MTMR12: variants seen among roughly 807,000 people sequenced by gnomAD.
The protein encoded by MTMR12 is myotubularin-related protein 12.
A neutral mutation model predicts 96.7 loss-of-function variants in MTMR12; 33 were observed. The ratio of observed to expected loss-of-function variants is 0.34; its 90% CI spans 0.26 to 0.46. MTMR12 has a LOEUF of 0.46. MTMR12 is among the 20% of genes least tolerant of loss of function. The pLI, the probability that MTMR12 is intolerant of heterozygous loss-of-function variation, is 1.00. For missense variants in MTMR12, 721 were observed against 896.1 expected (o/e 0.80, Z 2.49); for synonymous variants, 298 against 327.2 (o/e 0.91, Z 0.96).
At chr5:32,305,758 C>T (rs1239744560) in intron 1 of MTMR12, among the ~76,000 whole-genome samples, 3 of 152,092 alleles carry the variant, frequency 2.0e-5, no homozygotes, top group Non-Finnish European at 4.4e-5. Context: ...ACAAAATTAG[C>T]AGAGTGTAGT....
intron 10 of MTMR12, among the ~76,000 whole-genome samples, chr5:32,246,463 T>C (rs1390240622): frequency 6.6e-6 from 1 of 152,204 alleles, no homozygotes; most frequent in African/African-American, 2.4e-5. Flanking sequence ...GCCCAGCAAG[T>C]AGGTTTGCTC....
chr5:32,249,533 C>G (rs1748831212), intron 8 of MTMR12, among the ~76,000 whole-genome samples: 1 of 152,164 alleles, frequency 6.6e-6, no homozygotes. Flanking sequence ...ACTGTGTCTA[C>G]CTTCAGAGCT....
In MTMR12 at chr5:32,298,330, A is replaced by AT. The variant is rs546672964; in HGVS notation, c.81+14427dup. Among the ~76,000 whole-genome samples the AT allele has an allele frequency of 1.5e-4, 23 of 152,320 alleles. 1 individual carries two copies. Among genetic ancestry groups the AT allele is most frequent in the Middle Eastern group, 3.4e-3 (1 of 294 alleles). On this transcript the variant is annotated intron_variant, in intron 1 of 15. Coordinates refer to ENST00000382142, the MANE Select transcript of MTMR12 (RefSeq NM_001040446.3). Reference sequence around the variant, plus strand: ...GTGGGGGCTGTGATTGGTTGGGCATATGAGTGATTAGGGAAAGAAGGGTGC... The same window carrying AT: ...GTGGGGGCTGTGATTGGTTGGGCATATTGAGTGATTAGGGAAAGAAGGGTGC...
intron 1 of MTMR12, among the ~76,000 whole-genome samples, chr5:32,281,884 T>C (rs1257673666): frequency 7.2e-6 from 1 of 138,368 alleles, no homozygotes; most frequent in Non-Finnish European, 1.6e-5. Context: ...TGGGAGACAG[T>C]GCGAGACTCC....
At position 32,229,543 on chromosome 5, in the gene MTMR12, C is replaced by A. The variant is rs147816066; in HGVS notation, c.*235G>T. 8.3e-4 allele frequency: 311 copies of A among 375,650 alleles called. No homozygotes were observed. Among genetic ancestry groups the A allele is most frequent in the African/African-American group, 6.1e-3 (296 of 48,164 alleles). The allele number at this position is 375,650 out of a possible 1,614,324, so 23.3% of individuals were successfully genotyped here. A position where few individuals can be genotyped will look rare whatever the true frequency, so the allele number is the denominator to read the frequency against. On this transcript the variant is annotated 3_prime_UTR_variant, in exon 16 of 16. Coordinates refer to ENST00000382142, the MANE Select transcript of MTMR12 (RefSeq NM_001040446.3). Reference sequence around the variant, plus strand: ...TCAGAAAACGGCCACAACCCTATTACGGGTCAAGTAATAATTCCTTCCAAT... The same window carrying A: ...TCAGAAAACGGCCACAACCCTATTAAGGGTCAAGTAATAATTCCTTCCAAT...
At position 32,260,032 on chromosome 5, in the gene MTMR12, T is replaced by G. The variant is rs190710768; in HGVS notation, c.713+3081A>C. Among the ~76,000 whole-genome samples, 158 of 116,490 alleles carry G rather than the reference T, an allele frequency of 1.4e-3. 2 individuals are homozygous for G. The Middle Eastern group carries it at 0.021, about 15-fold the overall frequency. The allele number at this position is 116,490 out of a possible 152,430, so 76.4% of individuals were successfully genotyped here. A position where few individuals can be genotyped will look rare whatever the true frequency, so the allele number is the denominator to read the frequency against. ...GCCTGGGTGACAGAGTGAGACTCAG[T>G]CTCCCAAAAAAAAAAAAAAAAAAAG... On this transcript the variant is annotated intron_variant, in intron 7 of 15. Transcript: ENST00000382142.
intron 1 of MTMR12, among the ~76,000 whole-genome samples, chr5:32,288,034 T>C (rs1055037953): frequency 6.6e-6 from 1 of 152,098 alleles, no homozygotes; most frequent in African/African-American, 2.4e-5. Flanking sequence ...GAGAGTCTTA[T>C]CTCTGGCAGA....
chr5:32,228,533 T>TGTGA lies in MTMR12; in HGVS notation c.*1244_*1245insTCAC, dbSNP rs1401505712. ...TTAAAAAAAATATATATCATATATATGATATATATATCATATATATGTGAT... is the reference window on the plus strand; with the variant it reads ...TTAAAAAAAATATATATCATATATATGTGAGATATATATATCATATATATGTGAT... On this transcript the variant is annotated 3_prime_UTR_variant, in exon 16 of 16. Transcript: ENST00000382142. 270 of 138,956 alleles carry TGTGA rather than the reference T, an allele frequency of 1.9e-3. 3 individuals carry two copies. The highest frequency in any genetic ancestry group is 7.3e-3 in the African/African-American group (255 of 34,754). The allele number at this position is 138,956 out of a possible 1,614,324, so 8.6% of individuals were successfully genotyped here. A position where few individuals can be genotyped will look rare whatever the true frequency, so the allele number is the denominator to read the frequency against.
intron 1 of MTMR12, among the ~76,000 whole-genome samples, chr5:32,286,430 C>T (rs1160108637): frequency 6.6e-6 from 1 of 151,788 alleles, no homozygotes; most frequent in African/African-American, 2.4e-5. Context: ...AGGAGGCTGA[C>T]ATGGGAGGAT....
At chr5:32,243,172 A>T in intron 11 of MTMR12, among the ~76,000 whole-genome samples, 1 of 152,250 alleles carries the variant, frequency 6.6e-6, no homozygotes, top group Non-Finnish European at 1.5e-5. Context: ...ACACAAGATT[A>T]AAAAAGGTAT....
At chr5:32,246,428 C>G (rs1255851773) in intron 10 of MTMR12, among the ~76,000 whole-genome samples, 1 of 152,138 alleles carries the variant, frequency 6.6e-6, no homozygotes, top group Non-Finnish European at 1.5e-5. Context: ...TCCCAAAGTG[C>G]TGGATTACAG....
intron 1 of MTMR12, among the ~76,000 whole-genome samples, chr5:32,283,679 C>T (rs1750399527): frequency 1.3e-5 from 2 of 152,152 alleles, no homozygotes; most frequent in Non-Finnish European, 2.9e-5. Context: ...CCACCTGAAA[C>T]CAGGTAAAAG....
rs376847302 is a variant in MTMR12, at chr5:32,302,343, G to A, written c.81+10415C>T. On this transcript the variant is annotated intron_variant, in intron 1 of 15. Coordinates refer to ENST00000382142, the MANE Select transcript of MTMR12 (RefSeq NM_001040446.3). ...TGCTAGTTATGATTTTACTTGATTT[G>A]ATTTACTCATATCTTAAATGAACCA... Among the ~76,000 whole-genome samples, 9 of 152,280 alleles carry A rather than the reference G, an allele frequency of 5.9e-5. No individual in the cohort carries two copies. The East Asian group carries it at 7.7e-4, about 13-fold the overall frequency.
intron 1 of MTMR12, among the ~76,000 whole-genome samples, chr5:32,304,289 C>T (rs1431742896): frequency 1.3e-5 from 2 of 151,676 alleles, no homozygotes; most frequent in Non-Finnish European, 2.9e-5. Context: ...CATTACACCT[C>T]AGCCTGGGAG....
intron 12 of MTMR12, among the ~76,000 whole-genome samples, chr5:32,241,536 A>T (rs1748476373): frequency 6.6e-6 from 1 of 152,256 alleles, no homozygotes. Flanking sequence ...TAGTTACAGC[A>T]CCAATCTTCC....
At chr5:32,292,307 A>G (rs1471068390) in intron 1 of MTMR12, among the ~76,000 whole-genome samples, 4 of 152,128 alleles carry the variant, frequency 2.6e-5, no homozygotes, top group Admixed American at 6.5e-5. Context: ...AAAGGGTGGA[A>G]GTGGAAGTGG....
intron 11 of MTMR12, 103 bp from the exon 12 acceptor site, chr5:32,242,230 TCTTA>T: frequency 1.2e-5 from 9 of 747,460 alleles, no homozygotes; most frequent in Non-Finnish European, 1.7e-5. Context: ...CAGTCTTCTC[TCTTA>T]TTTTTTTTTT....
Position 32,305,899 on chromosome 5 carries a change from G to C in MTMR12, c.81+6859C>G, listed in dbSNP as rs547922010. On this transcript the variant is annotated intron_variant, in intron 1 of 15. Coordinates refer to ENST00000382142, the MANE Select transcript of MTMR12 (RefSeq NM_001040446.3). ...GCCTGGGCAACAAGAGTGAAACTCC[G>C]TCTCAAAAAAAAAAAAAAATCTGGG... Among the ~76,000 whole-genome samples, 586 of 146,610 alleles carry C rather than the reference G, an allele frequency of 4.0e-3. 2 individuals are homozygous for C. Among genetic ancestry groups the C allele is most frequent in the Non-Finnish European group, 5.9e-3 (393 of 66,728 alleles).
intron 8 of MTMR12, among the ~76,000 whole-genome samples, chr5:32,250,505 C>A (rs1049273547): frequency 6.6e-6 from 1 of 152,156 alleles, no homozygotes; most frequent in African/African-American, 2.4e-5. Flanking sequence ...CCATGCTAAG[C>A]GATGTGCAGA....
Sources: gnomAD v4.1 joint callset for allele counts (sites outside exome capture counted in the v4.1 genomes callset) on GRCh38, gnomAD v4.1.1 for gene constraint, MANE v1.5 for transcripts, NCBI Gene and HGNC (gene_info 2026-07-23, HGNC 2026-07-21) for gene names.